CDK5R1: variants seen among roughly 807,000 people sequenced by gnomAD.
CDK5R1 encodes the protein cyclin-dependent kinase 5 activator 1.
A neutral mutation model predicts 19.0 loss-of-function variants in CDK5R1; 1 was observed. That is an observed-to-expected ratio of 0.05 (90% CI 0.02 to 0.25). The LOEUF (loss-of-function observed/expected upper bound fraction) is 0.25, where lower values mean the gene tolerates loss of function less well. Among genes scored for constraint, CDK5R1 ranks in the 10% least tolerant of loss-of-function variants. The pLI is 1.00. For synonymous variants in CDK5R1, 225 were observed against 187.7 expected, an observed-to-expected ratio of 1.20 and a Z score of -1.62; for missense variants, 314 against 401.0, an observed-to-expected ratio of 0.78 and a Z score of 1.85.
chr17:32,487,848 C>A lies in CDK5R1; in HGVS notation c.228C>A (p.Asn76Lys). The A allele has an allele frequency of 6.2e-7, 1 of 1,614,088 alleles. No homozygotes were observed. Among genetic ancestry groups the A allele is most frequent in the South Asian group, 1.1e-5 (1 of 91,092 alleles). Residue 76 changes from asparagine to lysine, a missense_variant, in exon 2 of 2, where the codon AAC becomes AAA. Physicochemically the swap from Asn to Lys is moderately conservative, Grantham distance 94. Transcript: ENST00000313401. The surrounding 1 kb of genome is among the most constrained non-coding windows in gnomAD (Gnocchi z 7.9). ...KKVQPNSSYQ[N>K]NITHLNNENL... The stretch of plus-strand genomic sequence containing the variant: ...TGCAGCCCAACAGCAGCTACCAGAA[C>A]AACATCACGCACCTCAACAATGAGA...
At position 32,489,119 on chromosome 17, in the gene CDK5R1, C is replaced by T. The variant is rs1384846545; in HGVS notation, c.*575C>T. On this transcript the variant is annotated 3_prime_UTR_variant, in exon 2 of 2. Coordinates refer to ENST00000313401, the MANE Select transcript of CDK5R1 (RefSeq NM_003885.3). ...TCTGGTCGTTTGACCACACACCGCC[C>T]TGATTTGCTGTTTTCTTTTTTTAGG... 1.3e-5 allele frequency: 6 copies of T among 470,858 alleles called. No homozygotes were observed. The highest frequency in any genetic ancestry group is 2.6e-5 in the Non-Finnish European group (6 of 227,002). 29.2% of individuals were successfully genotyped at this position (470,858 alleles called of 1,614,324 possible).
rs1382742889 is a variant in CDK5R1 at position 32,487,265 on chromosome 17, G to C, written c.-146+103G>C. 2 of 147,362 alleles carry C rather than the reference G, an allele frequency of 1.4e-5. No homozygotes were observed. The highest frequency in any genetic ancestry group is 3.0e-5 in the Non-Finnish European group (2 of 65,994). 9.1% of individuals were successfully genotyped at this position (147,362 alleles called of 1,614,324 possible). On this transcript the variant is annotated intron_variant, in intron 1 of 1. Coordinates refer to ENST00000313401, the MANE Select transcript of CDK5R1 (RefSeq NM_003885.3). This position sits in a 1 kb window ranked among gnomAD's most constrained non-coding sequence, Gnocchi z 7.9. The stretch of plus-strand genomic sequence containing the variant: ...GGGGTCCTCGGCCGCCTCCGTCGGC[G>C]ACCGGGCCCCTCCCGGCTGCGCCTG...
chr17:32,491,196 C>A lies in CDK5R1; in HGVS notation c.*2652C>A, dbSNP rs887272044. 1 of 167,034 alleles carries A rather than the reference C, an allele frequency of 6.0e-6. No homozygotes were observed. Among genetic ancestry groups the A allele is most frequent in the Non-Finnish European group, 1.5e-5 (1 of 68,124 alleles). 10.3% of individuals were successfully genotyped at this position (167,034 alleles called of 1,614,324 possible). On this transcript the variant is annotated 3_prime_UTR_variant, in exon 2 of 2. Transcript: ENST00000313401. The stretch of plus-strand genomic sequence containing the variant: ...GTTTGGCTGTAATTTAATTCCCCTT[C>A]CCTTATTTTTATTTATTTTTGTACT...
rs1457952816 is a variant in CDK5R1 at position 32,487,727 on chromosome 17, C to G, written c.107C>G (p.Ala36Gly). 1.2e-6 allele frequency: 2 copies of G among 1,613,900 alleles called. No homozygotes were observed. Among genetic ancestry groups the G allele is most frequent in the Non-Finnish European group, 8.5e-7 (1 of 1,180,000 alleles). ...ACGGCCGTACAGAACAGCAAGAACG[C>G]CAAGGACAAGAACCTGAAGCGCCAC... ...HYTAVQNSKN[A>G]KDKNLKRHSI... The change falls in exon 2 of 2, where the codon GCC becomes GGC. Residue 36 changes from alanine (A) to glycine (G), a missense_variant. Ala to Gly is a moderately conservative substitution (Grantham distance 60). Around this residue, in one of 3 missense-constraint regions of CDK5R1, gnomAD observed 197 missense variants for 230.2 expected, o/e 0.86. Transcript: ENST00000313401. The surrounding 1 kb of genome is among the most constrained non-coding windows in gnomAD (Gnocchi z 7.9).
rs1484649628 is a variant in CDK5R1, at chr17:32,487,595, G to A, written c.-26G>A. The stretch of plus-strand genomic sequence containing the variant: ...GCAGGCTGGGCGCGCAGGGGCGCGA[G>A]CCCCCGCCCGGCGCGCAGCAGCACC... On this transcript the variant is annotated 5_prime_UTR_variant, in exon 2 of 2. Transcript: ENST00000313401. This position sits in a 1 kb window ranked among gnomAD's most constrained non-coding sequence, Gnocchi z 7.9. The A allele has an allele frequency of 2.5e-6, 4 of 1,591,634 alleles. No homozygotes were observed. The highest frequency in any genetic ancestry group is 3.4e-6 in the Non-Finnish European group (4 of 1,169,286).
Position 32,490,842 on chromosome 17 carries a change from G to A in CDK5R1, c.*2298G>A, listed in dbSNP as rs1364585566. 6.0e-6 allele frequency: 1 copy of A among 166,976 alleles called. No homozygotes were observed. Among genetic ancestry groups the A allele is most frequent in the African/African-American group, 2.4e-5 (1 of 41,432 alleles). The allele number at this position is 166,976 out of a possible 1,614,324, so 10.3% of individuals were successfully genotyped here. ...CCACAGGAATAATAGTTCAGGATTTGGTTTTTCTCTTTTTCTTGTAAACCT... is the reference window on the plus strand; with the variant it reads ...CCACAGGAATAATAGTTCAGGATTTAGTTTTTCTCTTTTTCTTGTAAACCT... On this transcript the variant is annotated 3_prime_UTR_variant, in exon 2 of 2. Transcript: ENST00000313401.
Position 32,487,591 on chromosome 17 carries a change from G to C in CDK5R1, c.-30G>C. The C allele has an allele frequency of 2.5e-6, 4 of 1,585,520 alleles. 1 individual carries two copies. The highest frequency in any genetic ancestry group is 3.4e-6 in the Non-Finnish European group (4 of 1,166,252). On this transcript the variant is annotated 5_prime_UTR_variant, in exon 2 of 2. Transcript: ENST00000313401. The surrounding 1 kb of genome is among the most constrained non-coding windows in gnomAD (Gnocchi z 7.9). Reference sequence around the variant, plus strand: ...GCCGGCAGGCTGGGCGCGCAGGGGCGCGAGCCCCCGCCCGGCGCGCAGCAG... The same window carrying C: ...GCCGGCAGGCTGGGCGCGCAGGGGCCCGAGCCCCCGCCCGGCGCGCAGCAG...
In CDK5R1 at chr17:32,487,012, C is replaced by CCGCCGCCGCCGCCGCCGCCGCCGCCGT. The variant is rs1908687873; in HGVS notation, c.-279_-278insCCGCCGCCGTCGCCGCCGCCGCCGCCG. The stretch of plus-strand genomic sequence containing the variant: ...TTGGACAGAAGCTCCCTAGCTGCCG[C>CCGCCGCCGCCGCCGCCGCCGCCGCCGT]CGCCGCCGCCGCCGCCGTCGCCGCC... On this transcript the variant is annotated 5_prime_UTR_variant, in exon 1 of 2. Coordinates refer to ENST00000313401, the MANE Select transcript of CDK5R1 (RefSeq NM_003885.3). The surrounding 1 kb of genome is among the most constrained non-coding windows in gnomAD (Gnocchi z 7.9). 1 of 153,082 alleles carries CCGCCGCCGCCGCCGCCGCCGCCGCCGT rather than the reference C, an allele frequency of 6.5e-6. No homozygotes were observed. Among genetic ancestry groups the CCGCCGCCGCCGCCGCCGCCGCCGCCGT allele is most frequent in the African/African-American group, 2.6e-5 (1 of 39,142 alleles). 9.5% of individuals were successfully genotyped at this position (153,082 alleles called of 1,614,324 possible). A position where few individuals can be genotyped will look rare whatever the true frequency, so the allele number is the denominator to read the frequency against.
rs1476626197 is a variant in CDK5R1, at chr17:32,489,116, G to A, written c.*572G>A. On this transcript the variant is annotated 3_prime_UTR_variant, in exon 2 of 2. Transcript: ENST00000313401. ...GTGTCTGGTCGTTTGACCACACACC[G>A]CCCTGATTTGCTGTTTTCTTTTTTT... The A allele has an allele frequency of 1.5e-5, 7 of 470,758 alleles. No homozygotes were observed. The highest frequency in any genetic ancestry group is 3.3e-4 in the Middle Eastern group (1 of 3,014). The allele number at this position is 470,758 out of a possible 1,614,324, so 29.2% of individuals were successfully genotyped here.
Position 32,491,199 on chromosome 17 carries a change from T to G in CDK5R1, c.*2655T>G, listed in dbSNP as rs1376755546. 3 of 166,996 alleles carry G rather than the reference T, an allele frequency of 1.8e-5. No homozygotes were observed. Among genetic ancestry groups the G allele is most frequent in the Non-Finnish European group, 4.4e-5 (3 of 68,134 alleles). The allele number at this position is 166,996 out of a possible 1,614,324, so 10.3% of individuals were successfully genotyped here. On this transcript the variant is annotated 3_prime_UTR_variant, in exon 2 of 2. Transcript: ENST00000313401. ...TGGCTGTAATTTAATTCCCCTTCCC[T>G]TATTTTTATTTATTTTTGTACTGTG...
chr17:32,488,846 G>C lies in CDK5R1; in HGVS notation c.*302G>C. ...CCCTTGCTGGGTCCAGGGTAGGCAA[G>C]GCTGCCGGCTGCACCCTGTATGGAG... On this transcript the variant is annotated 3_prime_UTR_variant, in exon 2 of 2. Transcript: ENST00000313401. The C allele has an allele frequency of 2.3e-6, 1 of 435,416 alleles. No homozygotes were observed. Among genetic ancestry groups the C allele is most frequent in the Non-Finnish European group, 4.4e-6 (1 of 226,306 alleles). The allele number at this position is 435,416 out of a possible 1,614,324, so 27.0% of individuals were successfully genotyped here.
rs994156454 is a variant in CDK5R1, at chr17:32,488,929, G to T, written c.*385G>T. The stretch of plus-strand genomic sequence containing the variant: ...GAGGAATTGGGGTTTCTGGTTGGAG[G>T]CCCTTTTCTGGCTCCTGTGTGGAGT... On this transcript the variant is annotated 3_prime_UTR_variant, in exon 2 of 2. Transcript: ENST00000313401. 1.1e-5 allele frequency: 4 copies of T among 372,884 alleles called. No individual in the cohort carries two copies. Among genetic ancestry groups the T allele is most frequent in the Admixed American group, 3.8e-5 (1 of 26,034 alleles). 23.1% of individuals were successfully genotyped at this position (372,884 alleles called of 1,614,324 possible). A position where few individuals can be genotyped will look rare whatever the true frequency, so the allele number is the denominator to read the frequency against.
chr17:32,487,982 G>A lies in CDK5R1; in HGVS notation c.362G>A (p.Gly121Asp). 1 of 1,613,156 alleles carries A rather than the reference G, an allele frequency of 6.2e-7. No individual in the cohort carries two copies. Among genetic ancestry groups the A allele is most frequent in the Non-Finnish European group, 8.5e-7 (1 of 1,179,890 alleles). ...ASQLSGSQTG[G>D]SSSVKKAPHP... ...CAGCTCTCGGGTTCCCAGACCGGGGGCTCCTCCTCAGTCAAGAAAGCCCCT... is the reference window on the plus strand; with the variant it reads ...CAGCTCTCGGGTTCCCAGACCGGGGACTCCTCCTCAGTCAAGAAAGCCCCT... The change falls in exon 2 of 2, where the codon GGC (glycine) becomes GAC (aspartate). Residue 121 changes from glycine (G) to aspartate (D), a missense_variant. Gly to Asp is a moderately conservative substitution (Grantham distance 94). Around this residue, in one of 3 missense-constraint regions of CDK5R1, gnomAD observed 197 missense variants for 230.2 expected, o/e 0.86. Transcript: ENST00000313401. The surrounding 1 kb of genome is among the most constrained non-coding windows in gnomAD (Gnocchi z 7.9).
Position 32,488,683 on chromosome 17 carries a change from T to C in CDK5R1, c.*139T>C, listed in dbSNP as rs546768731. The C allele has an allele frequency of 2.7e-6, 4 of 1,475,450 alleles. No homozygotes were observed. The highest frequency in any genetic ancestry group is 2.5e-5 in the East Asian group (1 of 40,436). The allele number at this position is 1,475,450 out of a possible 1,614,324, so 91.4% of individuals were successfully genotyped here. A position where few individuals can be genotyped will look rare whatever the true frequency, so the allele number is the denominator to read the frequency against. On this transcript the variant is annotated 3_prime_UTR_variant, in exon 2 of 2. Transcript: ENST00000313401. Reference sequence around the variant, plus strand: ...CCACAGTCTCTCCCTGGGGTTTTTTTCATCCCTGCCAAGAACTCTGGGCAC... The same window carrying C: ...CCACAGTCTCTCCCTGGGGTTTTTTCCATCCCTGCCAAGAACTCTGGGCAC...
rs780803201 is a variant in CDK5R1, at chr17:32,488,482, G to A, written c.862G>A (p.Asp288Asn). The change falls in exon 2 of 2, where the codon GAC becomes AAC. Residue 288 changes from aspartate (D) to asparagine (N), a missense_variant. By Grantham distance (23) the Asp-to-Asn change is conservative. Transcript: ENST00000313401. ...ACACTACTTCACACAGGTCTTCTCC[G>A]ACCTGAAGAACGAGAGCGGCCAGGA... ...DPHYFTQVFS[D>N]LKNESGQEDK... The A allele has an allele frequency of 6.2e-7, 1 of 1,613,528 alleles. No individual in the cohort carries two copies. Among genetic ancestry groups the A allele is most frequent in the Non-Finnish European group, 8.5e-7 (1 of 1,179,990 alleles).
At position 32,488,761 on chromosome 17, in the gene CDK5R1, C is replaced by A; in HGVS notation, c.*217C>A. Reference sequence around the variant, plus strand: ...CCCAGAAGATGTATTCAGAGCCACCCAGGCCACTGACCTCCCACTTTGGGG... The same window carrying A: ...CCCAGAAGATGTATTCAGAGCCACCAAGGCCACTGACCTCCCACTTTGGGG... On this transcript the variant is annotated 3_prime_UTR_variant, in exon 2 of 2. Transcript: ENST00000313401. The A allele has an allele frequency of 1.2e-6, 1 of 811,574 alleles. No individual in the cohort carries two copies. Among genetic ancestry groups the A allele is most frequent in the Non-Finnish European group, 1.9e-6 (1 of 522,088 alleles). The allele number at this position is 811,574 out of a possible 1,614,324, so 50.3% of individuals were successfully genotyped here.
rs1453163313 is a variant in CDK5R1 at position 32,489,219 on chromosome 17, G to A, written c.*675G>A. The A allele has an allele frequency of 6.4e-6, 3 of 470,748 alleles. No homozygotes were observed. Among genetic ancestry groups the A allele is most frequent in the Non-Finnish European group, 1.3e-5 (3 of 226,856 alleles). The allele number at this position is 470,748 out of a possible 1,614,324, so 29.2% of individuals were successfully genotyped here. A position where few individuals can be genotyped will look rare whatever the true frequency, so the allele number is the denominator to read the frequency against. Reference sequence around the variant, plus strand: ...TTGTCTGCTGCTCCCAGCCACGTTGGTGGTATTGGCCGATGAGCTGGTTTG... The same window carrying A: ...TTGTCTGCTGCTCCCAGCCACGTTGATGGTATTGGCCGATGAGCTGGTTTG... On this transcript the variant is annotated 3_prime_UTR_variant, in exon 2 of 2. Coordinates refer to ENST00000313401, the MANE Select transcript of CDK5R1 (RefSeq NM_003885.3).
Position 32,488,003 on chromosome 17 carries a change from C to A in CDK5R1, c.383C>A (p.Ala128Asp). 6.2e-7 allele frequency: 1 copy of A among 1,613,124 alleles called. No homozygotes were observed. Among genetic ancestry groups the A allele is most frequent in the Non-Finnish European group, 8.5e-7 (1 of 1,179,812 alleles). The change falls in exon 2 of 2, where the codon GCC becomes GAC. Residue 128 changes from alanine to aspartate, a missense_variant. Ala to Asp is a moderately radical substitution (Grantham distance 126). Transcript: ENST00000313401. ...QTGGSSSVKK[A>D]PHPAVTSAGT... The stretch of plus-strand genomic sequence containing the variant: ...GGGGGCTCCTCCTCAGTCAAGAAAG[C>A]CCCTCACCCTGCCGTCACCTCCGCA...
chr17:32,489,461 GC>G lies in CDK5R1; in HGVS notation c.*919del, dbSNP rs1411334965. On this transcript the variant is annotated 3_prime_UTR_variant, in exon 2 of 2. Coordinates refer to ENST00000313401, the MANE Select transcript of CDK5R1 (RefSeq NM_003885.3). ...AGCCGGTGCCCACCTAAGGGCTAAG[GC>G]CTCTTGCTGGTGCACATGACATTTG... 3 of 370,162 alleles carry G rather than the reference GC, an allele frequency of 8.1e-6. No homozygotes were observed. The highest frequency in any genetic ancestry group is 1.7e-5 in the Non-Finnish European group (3 of 178,990). 22.9% of individuals were successfully genotyped at this position (370,162 alleles called of 1,614,324 possible).
Sources: gnomAD v4.1 joint callset for allele counts on GRCh38, gnomAD v4.1.1 for gene constraint, gnomAD v4.1.1 regional missense constraint, Gnocchi (gnomAD v3.1) non-coding constraint, MANE v1.5 for transcripts, NCBI Gene and HGNC (gene_info 2026-07-23, HGNC 2026-07-21) for gene names.